The following CIB1 variants were observed in gnomAD, a reference collection of about 807,000 sequenced individuals.
CIB1 encodes calcium and integrin-binding protein 1.
CIB1 carries 19 observed loss-of-function variants against 25.0 expected under a neutral mutation model. That is an observed-to-expected ratio of 0.76 (90% confidence interval 0.53 to 1.12). The LOEUF is 1.12. Ranked by LOEUF, CIB1 falls within the 50% of genes most tolerant of loss-of-function variation. The probability of loss-of-function intolerance (pLI) is 0.00; values close to 1 mark genes in which losing one functional copy is unlikely to be tolerated. For synonymous variants in CIB1, 104 were observed against 98.5 expected, an observed-to-expected ratio of 1.06 and a Z score of -0.33; for missense variants, 236 against 242.6, an observed-to-expected ratio of 0.97 and a Z score of 0.18.
the CIB1 span, among the ~76,000 whole-genome samples, chr15:90,261,138 CCACGATCTTGGCT>C: frequency 2.0e-5 from 3 of 148,128 alleles, no homozygotes; most frequent in African/African-American, 7.5e-5. Flanking sequence ...GAGTGCAGTG[CCACGATCTTGGCT>C]CACTGCAACT....
chr15:90,256,572 T>TC, the CIB1 span, among the ~76,000 whole-genome samples: 454 of 30,662 alleles, frequency 0.015, 2 homozygotes, highest in African/African-American at 0.054. Context: ...TTTCTTTCTT[T>TC]CTTTCTTTCT....
At chr15:90,237,892 C>T (rs1257027108), upstream of CIB1, among the ~76,000 whole-genome samples, 1 of 152,082 alleles carries the variant, frequency 6.6e-6, no homozygotes, top group Non-Finnish European at 1.5e-5. Flanking sequence ...GCAGACATTG[C>T]AGTAAGGTGA....
At chr15:90,256,545 T>TTTC in the CIB1 span, among the ~76,000 whole-genome samples, 11 of 105,390 alleles carry the variant, frequency 1.0e-4, no homozygotes, top group African/African-American at 2.3e-4. Flanking sequence ...TCTCCTTCCT[T>TTTC]TTTCTTTCTT....
chr15:90,233,640 T>A, intron 2 of CIB1, 29 bp downstream of exon 2: 1 of 1,565,766 alleles, frequency 6.4e-7, no homozygotes, highest in South Asian at 1.2e-5. Context: ...GATCCCGGGG[T>A]CGGAGGCAGG....
At position 90,230,033 on chromosome 15, in the gene CIB1, T is replaced by G. The variant is rs558454688; in HGVS notation, c.*451A>C. The G allele has an allele frequency of 5.0e-6, 1 of 200,504 alleles. No individual in the cohort carries two copies. Among genetic ancestry groups the G allele is most frequent in the African/African-American group, 2.4e-5 (1 of 42,270 alleles). 12.4% of individuals were successfully genotyped at this position (200,504 alleles called of 1,614,324 possible). A position where few individuals can be genotyped will look rare whatever the true frequency, so the allele number is the denominator to read the frequency against. ...TTTACATTTTGATGCATGCAGAGAC[T>G]CATCTAACCACCACCCCAATCAGGA... On this transcript the variant is annotated 3_prime_UTR_variant, in exon 7 of 7. Transcript: ENST00000328649.
chr15:90,240,174 G>A, the CIB1 span, among the ~76,000 whole-genome samples: 1 of 151,806 alleles, frequency 6.6e-6, no homozygotes, highest in Admixed American at 6.6e-5. Flanking sequence ...AGTGAGCCAA[G>A]ATAGCGCCAT....
At chr15:90,257,605 A>G in the CIB1 span, 1 of 1,602,110 alleles carries the variant, frequency 6.2e-7, no homozygotes, top group East Asian at 2.2e-5. Context: ...GCATGCAGAC[A>G]GTCTGAGACC....
the CIB1 span, chr15:90,255,728 G>C: frequency 1.9e-6 from 3 of 1,614,024 alleles, no homozygotes. Context: ...TTACTCTGGG[G>C]GCTCATACTA....
chr15:90,251,004 C>T, the CIB1 span: 3 of 1,344,550 alleles, frequency 2.2e-6, no homozygotes, highest in Non-Finnish European at 3.0e-6. Flanking sequence ...CAAAAGAGGA[C>T]AGGAAATGCT....
the CIB1 span, among the ~76,000 whole-genome samples, chr15:90,261,003 A>G: frequency 6.6e-6 from 1 of 152,144 alleles, no homozygotes; most frequent in Admixed American, 6.5e-5. Context: ...ATTGCATAGT[A>G]AGATTATGGA....
At chr15:90,258,953 T>C in the CIB1 span, 1 of 1,614,038 alleles carries the variant, frequency 6.2e-7, no homozygotes, top group Non-Finnish European at 8.5e-7. Context: ...GGCATGTGTT[T>C]AGTTCTTCAT....
chr15:90,264,958 G>C, the CIB1 span: 2 of 1,535,302 alleles, frequency 1.3e-6, no homozygotes, highest in Non-Finnish European at 1.7e-6. Flanking sequence ...ACATCAATCA[G>C]TTCAGGTAAA....
the CIB1 span, chr15:90,249,647 G>A: frequency 6.6e-6 from 1 of 152,228 alleles, no homozygotes; most frequent in Non-Finnish European, 1.5e-5. Flanking sequence ...CGCGATCGTG[G>A]GGACAGCCAG....
At chr15:90,230,625 C>A in intron 6 of CIB1, 120 bp from the exon 7 acceptor site, 1 of 1,099,968 alleles carries the variant, frequency 9.1e-7, no homozygotes, top group Non-Finnish European at 1.3e-6. Context: ...GTGTGTCAGC[C>A]CCCTCTGCAA....
At chr15:90,264,545 T>G in the CIB1 span, among the ~76,000 whole-genome samples, 1 of 152,018 alleles carries the variant, frequency 6.6e-6, no homozygotes, top group Non-Finnish European at 1.5e-5. Flanking sequence ...CAAGAGGTAA[T>G]AGGAACATGG....
chr15:90,265,624 C>T, the CIB1 span: 1 of 1,526,236 alleles, frequency 6.6e-7, no homozygotes, highest in Non-Finnish European at 9.0e-7. Context: ...TACTACCCAG[C>T]CTCCGGCCCG....
chr15:90,231,336 C>T lies in CIB1; in HGVS notation c.346+21G>A, dbSNP rs755886403. On this transcript the variant is annotated intron_variant, in intron 4 of 6. Transcript: ENST00000328649. ...CACGTGGGAAGGGGTGGTGTCCTGC[C>T]GGGCTGCTCCTGGTTCTCACCAAAG... 3.2e-5 allele frequency: 52 copies of T among 1,611,938 alleles called. No homozygotes were observed. The East Asian group carries it at 7.6e-4, about 24-fold the overall frequency.
the CIB1 span, chr15:90,259,065 A>G: frequency 1.1e-5 from 17 of 1,484,700 alleles, no homozygotes; most frequent in Non-Finnish European, 1.5e-5. Context: ...TCATATTTGC[A>G]TTAAAAAAAT....
chr15:90,241,447 G>A, the CIB1 span: 18 of 1,613,354 alleles, frequency 1.1e-5, no homozygotes, highest in African/African-American at 4.0e-5. Flanking sequence ...CTCCCCCAGC[G>A]CCTGCTGCCG....
Sources: gnomAD v4.1 joint callset for allele counts (sites outside exome capture counted in the v4.1 genomes callset) on GRCh38, gnomAD v4.1.1 for gene constraint, MANE v1.5 for transcripts, NCBI Gene and HGNC (gene_info 2026-07-23, HGNC 2026-07-21) for gene names.